The following DNAH8 variants were observed in gnomAD, a reference collection of about 807,000 sequenced individuals.
The protein encoded by DNAH8 is axonemal beta dynein heavy chain 8.
DNAH8 carries 382 observed loss-of-function variants against 562.1 expected under a neutral mutation model. That is an observed-to-expected ratio of 0.68 (90% confidence interval 0.63 to 0.74). The LOEUF (loss-of-function observed/expected upper bound fraction) is 0.74, where lower values mean the gene tolerates loss of function less well. Among genes scored for constraint, DNAH8 ranks in the 30% least tolerant of loss-of-function variants. DNAH8 has a pLI of 0.00. For missense variants in DNAH8, 5,203 were observed against 5,620.4 expected, an observed-to-expected ratio of 0.93 and a Z score of 2.37; for synonymous variants, 1,881 against 1,919.4, an observed-to-expected ratio of 0.98 and a Z score of 0.52.
At chr6:38,914,534 TA>T (rs1317100562) in intron 67 of DNAH8, among the ~76,000 whole-genome samples, 3 of 151,576 alleles carry the variant, frequency 2.0e-5, no homozygotes. Flanking sequence ...GTATTTTTAG[TA>T]GAGACGGGGT....
intron 17 of DNAH8, 152 bp downstream of exon 17, chr6:38,783,291 A>G: frequency 3.5e-6 from 2 of 575,316 alleles, no homozygotes; most frequent in Non-Finnish European, 5.7e-6. Context: ...ATTTGTTTAC[A>G]GTTGTTAATA....
chr6:38,748,321 A>T (rs975639410), intron 8 of DNAH8, among the ~76,000 whole-genome samples: 1 of 152,230 alleles, frequency 6.6e-6, no homozygotes, highest in Non-Finnish European at 1.5e-5. Context: ...TCTATGAATG[A>T]CATTGAGGAG....
intron 30 of DNAH8, among the ~76,000 whole-genome samples, chr6:38,829,272 C>T (rs1030077794): frequency 6.6e-6 from 1 of 152,010 alleles, no homozygotes; most frequent in Admixed American, 6.6e-5. Context: ...AATGTTTTCT[C>T]TTCTGTGGGT....
Position 38,734,634 on chromosome 6 carries a change from A to T in DNAH8, c.762+9A>T. 1.2e-6 allele frequency: 2 copies of T among 1,608,348 alleles called. No individual in the cohort carries two copies. The highest frequency in any genetic ancestry group is 1.1e-5 in the South Asian group (1 of 90,220). On this transcript the variant is annotated intron_variant, in intron 5 of 92. Transcript: ENST00000327475. ...TTAAAACTATTCAAGAGGTATGTTT[A>T]AAAATTTCCCCAAATACATAGTTAA...
chr6:38,856,523 C>G (rs1009571485), intron 41 of DNAH8, among the ~76,000 whole-genome samples: 7 of 152,046 alleles, frequency 4.6e-5, no homozygotes, highest in South Asian at 2.1e-4. Context: ...GTCTTTCCCC[C>G]CTTGGACCAT....
At chr6:38,857,384 C>T (rs1776285239) in intron 41 of DNAH8, 134 bp from the exon 42 acceptor site, 1 of 625,624 alleles carries the variant, frequency 1.6e-6, no homozygotes, top group Non-Finnish European at 2.9e-6. Context: ...TTAACTGTTT[C>T]CCTCCTTTGG....
At chr6:39,022,834 T>C (rs2150793084) in intron 91 of DNAH8, among the ~76,000 whole-genome samples, 1 of 152,358 alleles carries the variant, frequency 6.6e-6, no homozygotes, top group East Asian at 1.9e-4. Flanking sequence ...CACCCTGCAC[T>C]GTGGGCTCCA....
At chr6:38,847,318 C>T (rs1554227547) in intron 36 of DNAH8, among the ~76,000 whole-genome samples, 1 of 151,394 alleles carries the variant, frequency 6.6e-6, no homozygotes, top group Non-Finnish European at 1.5e-5. Context: ...AAGGATGACT[C>T]TTTTTTTTCT....
At position 38,781,344 on chromosome 6, in the gene DNAH8, C is replaced by T. The variant is rs758774116; in HGVS notation, c.2230C>T (p.Arg744Trp). ...ACTCTGGGTGAGGCAGCTCTATCGCCGGATAAGTGAGCCCATCAATTATTT... is the reference window on the plus strand; with the variant it reads ...ACTCTGGGTGAGGCAGCTCTATCGCTGGATAAGTGAGCCCATCAATTATTT... Reference protein sequence around the residue: ...KILWVRQLYRRISEPINYFFK... With the variant: ...KILWVRQLYRWISEPINYFFK... The change falls in exon 16 of 93, where the codon CGG becomes TGG. Residue 744 changes from arginine (R) to tryptophan (W), a missense_variant. Physicochemically the swap from Arg to Trp is moderately radical, Grantham distance 101 (BLOSUM62 -3). This residue lies in a region of DNAH8 where 2,176 missense variants were observed against 2,365.1 expected (regional missense o/e 0.92). Transcript: ENST00000327475. 43 of 1,613,340 alleles carry T rather than the reference C, an allele frequency of 2.7e-5. No individual in the cohort carries two copies. Among genetic ancestry groups the T allele is most frequent in the Non-Finnish European group, 3.4e-5 (40 of 1,179,704 alleles).
chr6:38,896,818 C>T (rs961418865), intron 60 of DNAH8, among the ~76,000 whole-genome samples: 1 of 152,088 alleles, frequency 6.6e-6, no homozygotes, highest in Non-Finnish European at 1.5e-5. Context: ...TGGAGTCTCT[C>T]TCTGTCACCC....
intron 26 of DNAH8, among the ~76,000 whole-genome samples, chr6:38,819,580 T>G (rs753111328): frequency 9.2e-5 from 14 of 152,152 alleles, no homozygotes; most frequent in Non-Finnish European, 1.5e-4. Context: ...GCATTATCAA[T>G]AAAATGAAGA....
In DNAH8 at chr6:38,915,351, C is replaced by G. The variant is rs752989536; in HGVS notation, c.10114C>G (p.Leu3372Val). 4 of 1,599,106 alleles carry G rather than the reference C, an allele frequency of 2.5e-6. No homozygotes were observed. In the South Asian group the frequency reaches 4.5e-5, roughly 18 times the overall value. ...ESKLEAAKPA[L>V]EEAEAALNTI... ...CAAGCTTGAGGCAGCTAAACCTGCACTGGAAGAAGCAGAAGCAGCCCTGAA... is the reference window on the plus strand; with the variant it reads ...CAAGCTTGAGGCAGCTAAACCTGCAGTGGAAGAAGCAGAAGCAGCCCTGAA... The change falls in exon 68 of 93, where the codon CTG becomes GTG. Residue 3372 changes from leucine to valine, a missense_variant. By Grantham distance (32) the Leu-to-Val change is conservative (BLOSUM62 1). Coordinates refer to ENST00000327475, the MANE Select transcript of DNAH8 (RefSeq NM_001206927.2).
intron 18 of DNAH8, among the ~76,000 whole-genome samples, chr6:38,788,373 A>G (rs1656006584): frequency 6.6e-6 from 1 of 152,062 alleles, no homozygotes; most frequent in South Asian, 2.1e-4. Flanking sequence ...GATGGTCTCG[A>G]TCTCTTGACC....
chr6:38,974,173 T>C (rs1326183072), intron 84 of DNAH8, among the ~76,000 whole-genome samples: 1 of 152,198 alleles, frequency 6.6e-6, no homozygotes, highest in African/African-American at 2.4e-5. Context: ...CTCCAAAATC[T>C]GAAACATTCT....
At chr6:38,917,194 A>G in intron 68 of DNAH8, 45 bp from the exon 69 acceptor site, 2 of 1,389,026 alleles carry the variant, frequency 1.4e-6, no homozygotes, top group Non-Finnish European at 2.0e-6. Context: ...ATAACTATTA[A>G]TACCACTCAA....
chr6:38,872,587 G>A lies in DNAH8; in HGVS notation c.7042G>A (p.Gly2348Ser), dbSNP rs1252696160. The change falls in exon 50 of 93, where the codon GGT (glycine) becomes AGT (serine). Residue 2348 changes from glycine (G) to serine (S), a missense_variant. Physicochemically the swap from Gly to Ser is moderately conservative, Grantham distance 56 (BLOSUM62 0). Coordinates refer to ENST00000327475, the MANE Select transcript of DNAH8 (RefSeq NM_001206927.2). Reference protein sequence around the residue: ...RHGLMTLGPSGSGKTTVITIL... With the variant: ...RHGLMTLGPSSSGKTTVITIL... ...TGGCTTGATGACTCTTGGGCCCAGTGGTTCTGGAAAGACAACCGTTATCAC... is the reference window on the plus strand; with the variant it reads ...TGGCTTGATGACTCTTGGGCCCAGTAGTTCTGGAAAGACAACCGTTATCAC... The A allele has an allele frequency of 6.2e-7, 1 of 1,614,030 alleles. No homozygotes were observed. Among genetic ancestry groups the A allele is most frequent in the Admixed American group, 1.7e-5 (1 of 60,008 alleles).
At chr6:38,747,340 G>A (rs539775972) in intron 8 of DNAH8, among the ~76,000 whole-genome samples, 5 of 151,078 alleles carry the variant, frequency 3.3e-5, no homozygotes, top group Non-Finnish European at 5.9e-5. Flanking sequence ...CAAATGGCTG[G>A]CTAATTTTCT....
chr6:38,867,231 A>ATGTGTGTG (rs70981595), intron 47 of DNAH8, among the ~76,000 whole-genome samples: 32,286 of 148,256 alleles, frequency 0.22, 4,511 homozygotes, highest in East Asian at 0.71. Flanking sequence ...GTGTGTGTAT[A>ATGTGTGTG]TGTGTGTGTG....
intron 60 of DNAH8, among the ~76,000 whole-genome samples, chr6:38,898,047 C>A (rs1012989211): frequency 1.3e-5 from 2 of 151,698 alleles, no homozygotes; most frequent in Non-Finnish European, 1.5e-5. Context: ...AATGATTTTG[C>A]ACTAGAAACC....
Sources: allele counts gnomAD v4.1 joint callset (sites outside exome capture counted in the v4.1 genomes callset), GRCh38; gene constraint gnomAD v4.1.1; regional missense constraint gnomAD v4.1.1; transcripts MANE v1.5; gene names NCBI Gene and HGNC (gene_info 2026-07-23, HGNC 2026-07-21).